The following BBS9 variants were observed in gnomAD, a reference collection of about 807,000 sequenced individuals.
BBS9 encodes protein PTHB1.
In BBS9, 89 loss-of-function variants were observed where a neutral mutation model predicts 117.7. That is an observed-to-expected ratio of 0.76 (90% CI 0.64 to 0.90). The LOEUF is 0.90. BBS9 is among the 40% of genes least tolerant of loss of function. The probability of loss-of-function intolerance (pLI) is 0.00; values close to 1 mark genes in which losing one functional copy is unlikely to be tolerated. For synonymous variants in BBS9, 379 were observed against 370.9 expected, an observed-to-expected ratio of 1.02 and a Z score of -0.25; for missense variants, 982 against 1,042.2, an observed-to-expected ratio of 0.94 and a Z score of 0.80.
chr7:33,295,627 T>C (rs188262128), intron 9 of BBS9, among the ~76,000 whole-genome samples: 105 of 152,070 alleles, frequency 6.9e-4, no homozygotes, highest in African/African-American at 2.2e-3. Context: ...ATAAAGCAAC[T>C]TTCCAATTTA....
chr7:33,409,661 A>G (rs930111142), intron 19 of BBS9, among the ~76,000 whole-genome samples: 3 of 152,102 alleles, frequency 2.0e-5, no homozygotes, highest in Non-Finnish European at 4.4e-5. Context: ...ACATCCTTAC[A>G]TCACTTATTG....
rs1289450497 is a variant in BBS9 at position 33,467,564 on chromosome 7, CCA to C, written c.2116-37898_2116-37897del. On this transcript the variant is annotated intron_variant, in intron 19 of 22. Transcript: ENST00000242067. ...AATTCACCAGTGCTGTGGGAACCCC[CCA>C]ACTCCGCCACCTCCACTATTGTAGT... Among the ~76,000 whole-genome samples the C allele has an allele frequency of 1.2e-3, 68 of 57,552 alleles. 1 individual carries two copies. The Admixed American group carries it at 0.013, about 11-fold the overall frequency. 37.8% of individuals were successfully genotyped at this position (57,552 alleles called of 152,430 possible). A position where few individuals can be genotyped will look rare whatever the true frequency, so the allele number is the denominator to read the frequency against.
intron 9 of BBS9, among the ~76,000 whole-genome samples, chr7:33,283,078 A>G (rs1584081956): frequency 6.6e-6 from 1 of 152,124 alleles, no homozygotes; most frequent in East Asian, 1.9e-4. Flanking sequence ...AAAGCTTACC[A>G]CTAGTTCTTT....
intron 15 of BBS9, among the ~76,000 whole-genome samples, chr7:33,353,490 G>A (rs1308671816): frequency 6.6e-6 from 1 of 151,964 alleles, no homozygotes; most frequent in Non-Finnish European, 1.5e-5. Flanking sequence ...TTGTTCCTTA[G>A]GTTCTCCTTT....
chr7:33,571,639 A>G (rs961649037), intron 21 of BBS9, among the ~76,000 whole-genome samples: 2 of 151,880 alleles, frequency 1.3e-5, no homozygotes, highest in Non-Finnish European at 2.9e-5. Flanking sequence ...ATATTTTTTT[A>G]TAGTTACATG....
At chr7:33,255,289 G>A (rs1386005645) in intron 5 of BBS9, among the ~76,000 whole-genome samples, 1 of 149,642 alleles carries the variant, frequency 6.7e-6, no homozygotes, top group East Asian at 2.0e-4. Flanking sequence ...TCAGATCTTT[G>A]GTTTAAATCT....
At chr7:33,602,600 T>A (rs1863969207) in intron 21 of BBS9, among the ~76,000 whole-genome samples, 1 of 152,152 alleles carries the variant, frequency 6.6e-6, no homozygotes, top group African/African-American at 2.4e-5. Flanking sequence ...TGGTGGCGCA[T>A]GCCTGTAATC....
At chr7:33,577,379 G>A (rs565553721) in intron 21 of BBS9, among the ~76,000 whole-genome samples, 6 of 152,212 alleles carry the variant, frequency 3.9e-5, no homozygotes, top group South Asian at 4.1e-4. Context: ...TTAGAATGGC[G>A]ATCGTTAAAA....
chr7:33,495,390 C>T (rs956694470), intron 19 of BBS9, among the ~76,000 whole-genome samples: 7 of 152,210 alleles, frequency 4.6e-5, no homozygotes, highest in Admixed American at 2.6e-4. Flanking sequence ...TGGGTGGTTG[C>T]ATAATTACTG....
intron 6 of BBS9, among the ~76,000 whole-genome samples, chr7:33,258,828 A>G (rs1797504176): frequency 6.6e-6 from 1 of 152,226 alleles, no homozygotes; most frequent in Non-Finnish European, 1.5e-5. Flanking sequence ...GATTGGATAG[A>G]GAAGTAATGT....
rs138175603 is a variant in BBS9, at chr7:33,308,799, G to A, written c.1017-27642G>A. Among the ~76,000 whole-genome samples, 505 of 152,222 alleles carry A rather than the reference G, an allele frequency of 3.3e-3. 2 individuals are homozygous for A. The highest frequency in any genetic ancestry group is 5.4e-3 in the Non-Finnish European group (368 of 67,992). On this transcript the variant is annotated intron_variant, in intron 9 of 22. Transcript: ENST00000242067. ...GTACTTATTGTTCCTCAATCCTGACGTAGCTTCTATGGGGCAAATGAGAAG... is the reference window on the plus strand; with the variant it reads ...GTACTTATTGTTCCTCAATCCTGACATAGCTTCTATGGGGCAAATGAGAAG...
intron 19 of BBS9, among the ~76,000 whole-genome samples, chr7:33,448,709 A>G (rs1052837647): frequency 1.3e-5 from 2 of 152,246 alleles, no homozygotes; most frequent in Non-Finnish European, 2.9e-5. Flanking sequence ...AATCTGAGAC[A>G]GTTTATTCAT....
At chr7:33,391,880 AG>A (rs1260452512) in intron 19 of BBS9, among the ~76,000 whole-genome samples, 2 of 152,200 alleles carry the variant, frequency 1.3e-5, no homozygotes, top group Non-Finnish European at 2.9e-5. Context: ...TTGACACATG[AG>A]GTTTAAAAAA....
At chr7:33,470,735 A>G (rs1380861693) in intron 19 of BBS9, among the ~76,000 whole-genome samples, 1 of 152,200 alleles carries the variant, frequency 6.6e-6, no homozygotes, top group Non-Finnish European at 1.5e-5. Flanking sequence ...TAGAAGAACA[A>G]TCACACACAA....
At chr7:33,524,571 C>T (rs865919748) in intron 20 of BBS9, among the ~76,000 whole-genome samples, 2,964 of 152,094 alleles carry the variant, frequency 0.019, 39 homozygotes, top group Middle Eastern at 0.045. Context: ...TGGTAGTTTG[C>T]ATTTCTGTGG....
upstream of BBS9, chr7:33,129,287 G>A (rs1013761145): frequency 3.6e-6 from 2 of 553,168 alleles, no homozygotes; most frequent in African/African-American, 1.9e-5. Flanking sequence ...ACGCGGCCGG[G>A]GGGGCGTGGC....
intron 19 of BBS9, among the ~76,000 whole-genome samples, chr7:33,411,009 G>GTTTTTTT: frequency 1.1e-5 from 1 of 91,614 alleles, no homozygotes; most frequent in Non-Finnish European, 2.3e-5. Context: ...TAAAATGTTG[G>GTTTTTTT]TGTTTTTTTT....
At chr7:33,299,337 A>G (rs1805909063) in intron 9 of BBS9, among the ~76,000 whole-genome samples, 1 of 152,012 alleles carries the variant, frequency 6.6e-6, no homozygotes, top group African/African-American at 2.4e-5. Context: ...TCTATGTAAT[A>G]TATTCTTTTT....
At chr7:33,343,883 A>G (rs1419838022) in intron 11 of BBS9, among the ~76,000 whole-genome samples, 1 of 152,126 alleles carries the variant, frequency 6.6e-6, no homozygotes, top group East Asian at 1.9e-4. Context: ...TCAGAATAAC[A>G]CATACCTTAC....
Sources: allele counts gnomAD v4.1 joint callset (sites outside exome capture counted in the v4.1 genomes callset), GRCh38; gene constraint gnomAD v4.1.1; transcripts MANE v1.5; gene names NCBI Gene and HGNC (gene_info 2026-07-23, HGNC 2026-07-21).